The following PRICKLE2 variants were observed in gnomAD, a reference collection of about 807,000 sequenced individuals.
PRICKLE2 encodes the protein prickle-like protein 2.
A neutral mutation model predicts 81.4 loss-of-function variants in PRICKLE2; 21 were observed. The observed-to-expected ratio is 0.26, with a 90% CI of 0.18 to 0.37. The LOEUF (loss-of-function observed/expected upper bound fraction) is 0.37, where lower values mean the gene tolerates loss of function less well. Ranked by LOEUF, PRICKLE2 falls within the 10% of genes least tolerant of loss-of-function variation. The probability of loss-of-function intolerance (pLI) is 1.00; values close to 1 mark genes in which losing one functional copy is unlikely to be tolerated. For missense variants in PRICKLE2, 940 were observed against 1,109.0 expected (o/e 0.85, Z 2.16); for synonymous variants, 456 against 421.5 (o/e 1.08, Z -1.00).
chr3:64,147,335 T>TGTCTGGCTGGACAGGCTGAGC lies in PRICKLE2; in HGVS notation c.1134_1154dup (p.Leu379_Thr385dup). On this transcript the variant is annotated inframe_insertion, in exon 7 of 8. Coordinates refer to ENST00000638394, the MANE Select transcript of PRICKLE2 (RefSeq NM_198859.4). The surrounding 1 kb of genome is among the most constrained non-coding windows in gnomAD (Gnocchi z 5.0). ...AGATGGGGTCCCGGTTGAGGCTGGG[T>TGTCTGGCTGGACAGGCTGAGC]GTCTGGCTGGACAGGCTGAGCATGT... 2 of 1,614,080 alleles carry TGTCTGGCTGGACAGGCTGAGC rather than the reference T, an allele frequency of 1.2e-6. No individual in the cohort carries two copies. Among genetic ancestry groups the TGTCTGGCTGGACAGGCTGAGC allele is most frequent in the Non-Finnish European group, 1.7e-6 (2 of 1,180,006 alleles).
chr3:64,212,887 G>A (rs1489157396), intron 1 of PRICKLE2, among the ~76,000 whole-genome samples: 1 of 152,058 alleles, frequency 6.6e-6, no homozygotes, highest in Admixed American at 6.6e-5. Flanking sequence ...CAGCTAGGAT[G>A]GAAAGAGATC....
intron 7 of PRICKLE2, 112 bp from the exon 8 acceptor site, chr3:64,100,037 T>C (rs1004724276): frequency 4.8e-6 from 6 of 1,238,766 alleles, no homozygotes; most frequent in Non-Finnish European, 7.0e-6. Context: ...TGAAGTTGTG[T>C]ACTGCACAAA....
At chr3:64,230,428 G>A (rs559910809), upstream of PRICKLE2, among the ~76,000 whole-genome samples, 17 of 152,196 alleles carry the variant, frequency 1.1e-4, no homozygotes, top group Non-Finnish European at 2.2e-4. Flanking sequence ...AGAAAATATT[G>A]TAAATTTTAA....
intron 7 of PRICKLE2, among the ~76,000 whole-genome samples, chr3:64,139,412 T>A (rs891041924): frequency 6.6e-6 from 1 of 152,242 alleles, no homozygotes; most frequent in East Asian, 1.9e-4. Context: ...TGGGACACTG[T>A]AAACCTCTGC....
chr3:64,261,745 G>A (rs988856931), intron 2 of PRICKLE2, among the ~76,000 whole-genome samples: 4 of 152,160 alleles, frequency 2.6e-5, no homozygotes, highest in Admixed American at 6.5e-5. Flanking sequence ...ACGGGTGCCA[G>A]TAGCCAGGTA....
At chr3:64,223,926 G>T (rs767425045) in intron 1 of PRICKLE2, among the ~76,000 whole-genome samples, 7 of 152,200 alleles carry the variant, frequency 4.6e-5, no homozygotes, top group Non-Finnish European at 1.0e-4. Context: ...GAAGAGATGT[G>T]CAGGCAAAGC....
chr3:64,227,185 G>A (rs929834739), upstream of PRICKLE2, among the ~76,000 whole-genome samples: 3 of 152,330 alleles, frequency 2.0e-5, no homozygotes, highest in African/African-American at 4.8e-5. Context: ...TAACTTCTCA[G>A]TAAGAGAAAT....
chr3:64,165,995 T>C (rs1048943973), intron 2 of PRICKLE2, among the ~76,000 whole-genome samples: 1 of 150,750 alleles, frequency 6.6e-6, no homozygotes, highest in Non-Finnish European at 1.5e-5. Flanking sequence ...TGTGTGTGTG[T>C]GTGTGTGTGT....
chr3:64,258,845 A>AAAAG (rs572884974), intron 2 of PRICKLE2, among the ~76,000 whole-genome samples: 2,279 of 33,918 alleles, frequency 0.067, 104 homozygotes, highest in East Asian at 0.13. Flanking sequence ...AAAAAAAAAA[A>AAAAG]AAAGAAAGAA....
At position 64,097,601 on chromosome 3, in the gene PRICKLE2, G is replaced by C. The variant is rs191085759; in HGVS notation, c.*1450C>G. On this transcript the variant is annotated 3_prime_UTR_variant, in exon 8 of 8. Coordinates refer to ENST00000638394, the MANE Select transcript of PRICKLE2 (RefSeq NM_198859.4). ...GTCTTCATTAAGCAAACTCACTTTT[G>C]AGCCCATTTTCTGACCAACAGTCCT... 6.6e-6 allele frequency: 1 copy of C among 152,634 alleles called. No homozygotes were observed. Among genetic ancestry groups the C allele is most frequent in the Non-Finnish European group, 1.5e-5 (1 of 68,012 alleles). The allele number at this position is 152,634 out of a possible 1,614,324, so 9.5% of individuals were successfully genotyped here.
At chr3:64,264,445 T>G (rs2079666874) in intron 2 of PRICKLE2, among the ~76,000 whole-genome samples, 1 of 152,224 alleles carries the variant, frequency 6.6e-6, no homozygotes, top group Non-Finnish European at 1.5e-5. Context: ...CTATAAAGTC[T>G]GAGAAAGACT....
chr3:64,114,669 GA>G (rs34758393), intron 7 of PRICKLE2, among the ~76,000 whole-genome samples: 18 of 149,002 alleles, frequency 1.2e-4, no homozygotes, highest in East Asian at 9.8e-4. Context: ...GACAAGAATA[GA>G]AAAAAAAAAG....
At chr3:64,251,252 T>A (rs2079443092) in intron 2 of PRICKLE2, among the ~76,000 whole-genome samples, 1 of 152,156 alleles carries the variant, frequency 6.6e-6, no homozygotes, top group African/African-American at 2.4e-5. Context: ...GTCAAAACCA[T>A]CCCCGCTCCA....
chr3:64,126,991 C>T (rs1395766770), intron 7 of PRICKLE2, among the ~76,000 whole-genome samples: 1 of 152,190 alleles, frequency 6.6e-6, no homozygotes, highest in Non-Finnish European at 1.5e-5. Flanking sequence ...TTATCAAATG[C>T]CTACTATGCA....
At chr3:64,113,044 G>A (rs1414209564) in intron 7 of PRICKLE2, among the ~76,000 whole-genome samples, 1 of 152,172 alleles carries the variant, frequency 6.6e-6, no homozygotes, top group Non-Finnish European at 1.5e-5. Context: ...CAGGGGGAAT[G>A]GGTGAGTTGA....
chr3:64,208,020 A>G (rs2078720399), intron 1 of PRICKLE2, among the ~76,000 whole-genome samples: 1 of 152,194 alleles, frequency 6.6e-6, no homozygotes, highest in South Asian at 2.1e-4. Flanking sequence ...AACTCTTCAC[A>G]TGCACGCACA....
intron 7 of PRICKLE2, among the ~76,000 whole-genome samples, chr3:64,139,416 C>A (rs1307931618): frequency 1.3e-5 from 2 of 152,206 alleles, no homozygotes; most frequent in African/African-American, 4.8e-5. Flanking sequence ...ACACTGTAAA[C>A]CTCTGCCAAT....
At chr3:64,254,837 A>G (rs1413009894) in intron 2 of PRICKLE2, among the ~76,000 whole-genome samples, 4 of 152,296 alleles carry the variant, frequency 2.6e-5, no homozygotes, top group Non-Finnish European at 5.9e-5. Context: ...TTTGAGTCCA[A>G]CTACCTGGGT....
In PRICKLE2 at chr3:64,111,228, G is replaced by A. The variant is rs1339734213; in HGVS notation, c.1661-11303C>T. Reference sequence around the variant, plus strand: ...AAAGTACTTAGAACAGTGCTGGTGCGGGGACACCAATGAAATGTTCAATCT... The same window carrying A: ...AAAGTACTTAGAACAGTGCTGGTGCAGGGACACCAATGAAATGTTCAATCT... On this transcript the variant is annotated intron_variant, in intron 7 of 7. Transcript: ENST00000638394. 4.6e-5 allele frequency among the ~76,000 whole-genome samples: 7 copies of A among 152,244 alleles called. No individual in the cohort carries two copies. The East Asian group carries it at 7.7e-4, about 17-fold the overall frequency.
Sources: allele counts gnomAD v4.1 joint callset (sites outside exome capture counted in the v4.1 genomes callset), GRCh38; gene constraint gnomAD v4.1.1; non-coding constraint Gnocchi (gnomAD v3.1); transcripts MANE v1.5; gene names NCBI Gene and HGNC (gene_info 2026-07-23, HGNC 2026-07-21).